The following EML6 variants were observed in gnomAD, a reference collection of about 807,000 sequenced individuals.
The protein encoded by EML6 is echinoderm microtubule-associated protein-like 6.
EML6 carries 154 observed loss-of-function variants against 240.1 expected under a neutral mutation model. The ratio of observed to expected loss-of-function variants is 0.64; its 90% confidence interval spans 0.56 to 0.73. The LOEUF (loss-of-function observed/expected upper bound fraction) is 0.73, where lower values mean the gene tolerates loss of function less well. Among genes scored for constraint, EML6 ranks in the 30% least tolerant of loss-of-function variants. The pLI, the probability that EML6 is intolerant of heterozygous loss-of-function variation, is 0.00. For missense variants in EML6, 2,964 were observed against 2,474.6 expected (o/e 1.20, Z -4.20); for synonymous variants, 1,148 against 899.0 (o/e 1.28, Z -4.95).
intron 10 of EML6, among the ~76,000 whole-genome samples, chr2:54,853,137 A>G (rs1670181107): frequency 6.6e-6 from 1 of 152,204 alleles, no homozygotes; most frequent in Admixed American, 6.5e-5. Flanking sequence ...TCCTTAAATT[A>G]TGAAAAATAG....
At chr2:54,730,769 G>T (rs192764821) in intron 2 of EML6, among the ~76,000 whole-genome samples, 16 of 152,238 alleles carry the variant, frequency 1.1e-4, no homozygotes, top group Admixed American at 3.3e-4. Context: ...ATTAAGATTT[G>T]TTTATTCTCT....
intron 12 of EML6, among the ~76,000 whole-genome samples, chr2:54,861,064 G>A (rs1283218431): frequency 6.6e-6 from 1 of 152,156 alleles, no homozygotes; most frequent in Non-Finnish European, 1.5e-5. Flanking sequence ...TCCAGAAGGG[G>A]CTTACAGCAT....
chr2:54,918,076 C>G (rs1181584405), intron 26 of EML6, among the ~76,000 whole-genome samples: 2 of 152,214 alleles, frequency 1.3e-5, no homozygotes, highest in Non-Finnish European at 2.9e-5. Context: ...ATCCCCAAGC[C>G]TGTACTTACA....
chr2:54,852,197 A>G (rs984695497), intron 10 of EML6, among the ~76,000 whole-genome samples: 2 of 152,150 alleles, frequency 1.3e-5, no homozygotes, highest in African/African-American at 4.8e-5. Flanking sequence ...TTTAAATGCT[A>G]TTTTTGTGAC....
intron 24 of EML6, among the ~76,000 whole-genome samples, chr2:54,905,687 A>G (rs1393313455): frequency 6.6e-6 from 1 of 152,160 alleles, no homozygotes; most frequent in Non-Finnish European, 1.5e-5. Flanking sequence ...ATTAAATGAT[A>G]ACTTTTCATT....
chr2:54,739,228 T>C (rs1427352638), intron 2 of EML6, among the ~76,000 whole-genome samples: 1 of 152,240 alleles, frequency 6.6e-6, no homozygotes, highest in African/African-American at 2.4e-5. Flanking sequence ...AAAGTTTTAG[T>C]AGTTCTTATA....
intron 2 of EML6, among the ~76,000 whole-genome samples, chr2:54,778,746 G>A (rs1299906651): frequency 2.0e-5 from 3 of 151,734 alleles, no homozygotes; most frequent in Non-Finnish European, 4.4e-5. Context: ...AAAAAAATTA[G>A]CTGCGTGTGG....
intron 8 of EML6, among the ~76,000 whole-genome samples, chr2:54,846,266 T>C (rs559694251): frequency 2.6e-4 from 39 of 152,148 alleles, no homozygotes; most frequent in African/African-American, 8.2e-4. Flanking sequence ...ATTTTCTTCC[T>C]AGGAAGGCCA....
intron 2 of EML6, among the ~76,000 whole-genome samples, chr2:54,775,277 A>G (rs1668553208): frequency 6.6e-6 from 1 of 152,238 alleles, no homozygotes; most frequent in Admixed American, 6.5e-5. Context: ...CCCTGCAGGC[A>G]CTGGCCCCTA....
Position 54,863,391 on chromosome 2 carries a change from G to A in EML6, c.1826-392G>A, listed in dbSNP as rs143137262. 3.1e-3 allele frequency among the ~76,000 whole-genome samples: 471 copies of A among 152,270 alleles called. 2 individuals are homozygous for A. The highest frequency in any genetic ancestry group is 0.011 in the African/African-American group (442 of 41,540). ...AAAAATTAACTGGGCATGGTGGTAC[G>A]CATCTCTGTAGTCCCAGCTGCCAGG... On this transcript the variant is annotated intron_variant, in intron 12 of 41. Transcript: ENST00000356458.
intron 2 of EML6, among the ~76,000 whole-genome samples, chr2:54,782,082 C>T (rs1236099337): frequency 1.3e-5 from 2 of 152,166 alleles, no homozygotes; most frequent in African/African-American, 2.4e-5. Flanking sequence ...AAATTGCATT[C>T]TGTATTGTAT....
At chr2:54,901,763 G>A (rs928284585) in intron 22 of EML6, among the ~76,000 whole-genome samples, 50 of 152,310 alleles carry the variant, frequency 3.3e-4, no homozygotes, top group African/African-American at 1.1e-3. Flanking sequence ...AAAGAGGCTC[G>A]GTATTAAATG....
At chr2:54,855,965 C>A (rs1488779805) in intron 11 of EML6, among the ~76,000 whole-genome samples, 1 of 152,162 alleles carries the variant, frequency 6.6e-6, no homozygotes, top group Non-Finnish European at 1.5e-5. Flanking sequence ...GTGCTGATGA[C>A]CATGAGCAGT....
chr2:54,822,371 A>G (rs951313961), intron 5 of EML6, among the ~76,000 whole-genome samples: 1 of 152,190 alleles, frequency 6.6e-6, no homozygotes, highest in African/African-American at 2.4e-5. Flanking sequence ...TGATCCAGTA[A>G]TTTCATATCT....
intron 18 of EML6, among the ~76,000 whole-genome samples, chr2:54,891,990 A>G (rs939724365): frequency 2.0e-5 from 3 of 152,232 alleles, no homozygotes; most frequent in East Asian, 3.8e-4. Context: ...CATATATAAC[A>G]TGCTTATATT....
At chr2:54,795,334 C>G (rs144882480) in intron 2 of EML6, among the ~76,000 whole-genome samples, 1 of 152,260 alleles carries the variant, frequency 6.6e-6, no homozygotes, top group African/African-American at 2.4e-5. Context: ...AGGTGCCACA[C>G]TTGAAAACCA....
At chr2:54,870,969 G>T (rs1297951454) in intron 15 of EML6, among the ~76,000 whole-genome samples, 1 of 152,156 alleles carries the variant, frequency 6.6e-6, no homozygotes, top group Non-Finnish European at 1.5e-5. Flanking sequence ...TGTTGTTGGG[G>T]ATTAGTGTGA....
Position 54,928,405 on chromosome 2 carries a change from G to C in EML6, c.3768G>C (p.Val1256=), listed in dbSNP as rs1558695693. The change falls in exon 27 of 42, where the codon GTG becomes GTC. Residue 1256 remains valine, a synonymous_variant. Coordinates refer to ENST00000356458, the MANE Select transcript of EML6 (RefSeq NM_001039753.4). ...WLHNDSVLLT[V]GGADTALMIW... Reference sequence around the variant, plus strand: ...ACAATGACTCTGTGCTGCTCACGGTGGGCGGCGCCGACACAGCCCTGATGA... The same window carrying C: ...ACAATGACTCTGTGCTGCTCACGGTCGGCGGCGCCGACACAGCCCTGATGA... 3.2e-6 allele frequency: 5 copies of C among 1,551,250 alleles called. No individual in the cohort carries two copies. The highest frequency in any genetic ancestry group is 4.4e-6 in the Non-Finnish European group (5 of 1,146,778).
intron 33 of EML6, among the ~76,000 whole-genome samples, chr2:54,958,336 C>T (rs566787082): frequency 1.3e-5 from 2 of 152,016 alleles, no homozygotes; most frequent in African/African-American, 2.4e-5. Flanking sequence ...GGACTATAGG[C>T]ACCTGCCACC....
Sources: allele counts gnomAD v4.1 joint callset (sites outside exome capture counted in the v4.1 genomes callset), GRCh38; gene constraint gnomAD v4.1.1; transcripts MANE v1.5; gene names NCBI Gene and HGNC (gene_info 2026-07-23, HGNC 2026-07-21).